The following SLC5A4 variants were observed in gnomAD, a reference collection of about 807,000 sequenced individuals.
SLC5A4 encodes solute carrier family 5 member 4.
A neutral mutation model predicts 70.3 loss-of-function variants in SLC5A4; 55 were observed. The ratio of observed to expected loss-of-function variants is 0.78; its 90% CI spans 0.63 to 0.98. The LOEUF is 0.98. Among genes scored for constraint, SLC5A4 ranks in the 50% least tolerant of loss-of-function variants. SLC5A4 has a pLI of 0.00. For synonymous variants in SLC5A4, 268 were observed against 305.7 expected (o/e 0.88, Z 1.29); for missense variants, 735 against 839.2 (o/e 0.88, Z 1.53).
chr22:32,307,484 C>T, the SLC5A4 span, among the ~76,000 whole-genome samples: 1 of 152,052 alleles, frequency 6.6e-6, no homozygotes, highest in African/African-American at 2.4e-5. Context: ...CCAGAAGGGC[C>T]CTGGGTACAG....
At chr22:32,269,933 T>C in the SLC5A4 span, 7 of 539,104 alleles carry the variant, frequency 1.3e-5, no homozygotes, top group Admixed American at 1.6e-4. This position sits in a 1 kb window ranked among gnomAD's most constrained non-coding sequence, Gnocchi z 4.1. Context: ...ACCAGCATGG[T>C]CACCATGGAG....
At chr22:32,305,713 G>T in the SLC5A4 span, among the ~76,000 whole-genome samples, 1 of 129,862 alleles carries the variant, frequency 7.7e-6, no homozygotes, top group African/African-American at 3.0e-5. Flanking sequence ...CTTTTCAGGA[G>T]CACGGTGCTC....
the SLC5A4 span, chr22:32,272,507 C>A: frequency 1.4e-6 from 1 of 702,194 alleles, no homozygotes. Context: ...CTGCTGTTAC[C>A]AGGAGGAGAG....
chr22:32,337,179 C>CT, the SLC5A4 span, among the ~76,000 whole-genome samples: 2 of 152,192 alleles, frequency 1.3e-5, no homozygotes, highest in African/African-American at 4.8e-5. Flanking sequence ...CACCTTGCCT[C>CT]TTGTCCTGGC....
At chr22:32,339,731 C>A in the SLC5A4 span, among the ~76,000 whole-genome samples, 1 of 152,162 alleles carries the variant, frequency 6.6e-6, no homozygotes, top group Non-Finnish European at 1.5e-5. Context: ...CAAAACCAAC[C>A]ATGCACCCCA....
chr22:32,316,100 CTCTG>C, the SLC5A4 span, among the ~76,000 whole-genome samples: 714 of 113,082 alleles, frequency 6.3e-3, 3 homozygotes, highest in Non-Finnish European at 9.9e-3. Flanking sequence ...ACCCAGGAGA[CTCTG>C]TCTGAAAAAA....
At chr22:32,255,081 T>C in intron 1 of SLC5A4, 114 bp downstream of exon 1, 1 of 985,778 alleles carries the variant, frequency 1.0e-6, no homozygotes, top group East Asian at 2.4e-5. Flanking sequence ...AAAATGATTC[T>C]GATAACACAA....
chr22:32,282,959 A>G, the SLC5A4 span, among the ~76,000 whole-genome samples: 4 of 152,224 alleles, frequency 2.6e-5, no homozygotes, highest in Non-Finnish European at 4.4e-5. Flanking sequence ...TCAGCACTGC[A>G]GTCAGAAGAA....
At chr22:32,297,181 G>A in the SLC5A4 span, among the ~76,000 whole-genome samples, 1 of 151,876 alleles carries the variant, frequency 6.6e-6, no homozygotes, top group Admixed American at 6.6e-5. Flanking sequence ...ATGAGTTAGG[G>A]AGGATTCCCT....
At chr22:32,273,243 C>A in the SLC5A4 span, 1,725 of 331,320 alleles carry the variant, frequency 5.2e-3, 8 homozygotes, top group Non-Finnish European at 8.3e-3. Context: ...TATTCATATA[C>A]TATAATGCAA....
chr22:32,271,734 A>T, the SLC5A4 span: 1 of 586,894 alleles, frequency 1.7e-6, no homozygotes, highest in Non-Finnish European at 3.2e-6. Flanking sequence ...GCTCTGTTCC[A>T]CAATGTCAAC....
chr22:32,232,106 C>T (rs1480247867), intron 9 of SLC5A4, among the ~76,000 whole-genome samples: 1 of 152,130 alleles, frequency 6.6e-6, no homozygotes, highest in Non-Finnish European at 1.5e-5. Flanking sequence ...TCTCAAAGTC[C>T]TGGGCCTCAA....
the SLC5A4 span, chr22:32,354,920 C>T: frequency 6.6e-6 from 1 of 152,436 alleles, no homozygotes; most frequent in Non-Finnish European, 1.5e-5. Context: ...AGGCTCCAGC[C>T]TCCACTGTGC....
chr22:32,280,432 CAT>C, the SLC5A4 span, among the ~76,000 whole-genome samples: 6 of 152,304 alleles, frequency 3.9e-5, no homozygotes, highest in East Asian at 3.9e-4. Context: ...TGGACCCACA[CAT>C]AGAGCTCCTT....
chr22:32,347,887 A>G, the SLC5A4 span, among the ~76,000 whole-genome samples: 1 of 151,932 alleles, frequency 6.6e-6, no homozygotes, highest in African/African-American at 2.4e-5. Context: ...AAATGAACTC[A>G]TAACTATAAA....
chr22:32,314,514 TTA>T, the SLC5A4 span, among the ~76,000 whole-genome samples: 1 of 152,174 alleles, frequency 6.6e-6, no homozygotes, highest in African/African-American at 2.4e-5. Context: ...TATTTTTGAA[TTA>T]TAGTTCCCAT....
chr22:32,252,284 C>G (rs1927218226), intron 2 of SLC5A4, among the ~76,000 whole-genome samples: 2 of 151,902 alleles, frequency 1.3e-5, no homozygotes, highest in Non-Finnish European at 2.9e-5. Context: ...AGTCACTACT[C>G]CTCAGAGCAG....
intron 3 of SLC5A4, 79 bp from the exon 4 acceptor site, chr22:32,248,881 G>T: frequency 2.1e-6 from 2 of 951,428 alleles, no homozygotes; most frequent in Non-Finnish European, 3.4e-6. Context: ...TGACCTCTGA[G>T]TCTGGAAATT....
At chr22:32,219,504 T>A (rs1429275454) in intron 14 of SLC5A4, among the ~76,000 whole-genome samples, 1 of 151,628 alleles carries the variant, frequency 6.6e-6, no homozygotes, top group African/African-American at 2.4e-5. Context: ...AGCTGTGAGA[T>A]TTAAAACAGT....
Sources: gnomAD v4.1 joint callset for allele counts (sites outside exome capture counted in the v4.1 genomes callset) on GRCh38, gnomAD v4.1.1 for gene constraint, Gnocchi (gnomAD v3.1) non-coding constraint, MANE v1.5 for transcripts, NCBI Gene and HGNC (gene_info 2026-07-23, HGNC 2026-07-21) for gene names.